Variants in ZNF732 observed in about 807,000 individuals in gnomAD.
ZNF732 encodes the protein zinc finger protein LOC654254.
Under a neutral mutation model 11.5 loss-of-function variants are expected in ZNF732, and 12 were observed. The ratio of observed to expected loss-of-function variants is 1.05; its 90% CI spans 0.67 to 1.70. The LOEUF (loss-of-function observed/expected upper bound fraction) is 1.70, where lower values mean the gene tolerates loss of function less well. Among genes scored for constraint, ZNF732 ranks in the 40% most tolerant of loss-of-function variants. The pLI is 0.00. For missense variants in ZNF732, 702 were observed against 676.9 expected, an observed-to-expected ratio of 1.04 and a Z score of -0.41; for synonymous variants, 231 against 236.5, an observed-to-expected ratio of 0.98 and a Z score of 0.21.
chr4:278,735 G>A (rs11729365), intron 3 of ZNF732, among the ~76,000 whole-genome samples: 21,390 of 152,138 alleles, frequency 0.14, 1,851 homozygotes, highest in Admixed American at 0.24. Context: ...CCCAGACCAT[G>A]CCGAAGCTAC....
chr4:299,371 G>T (rs1214845153), intron 1 of ZNF732, among the ~76,000 whole-genome samples: 1 of 60,846 alleles, frequency 1.6e-5, no homozygotes, highest in Non-Finnish European at 3.3e-5. Context: ...ACACATATGT[G>T]TATATATATA....
Position 302,786 on chromosome 4 carries a change from G to A in ZNF732, c.3+2522C>T, listed in dbSNP as rs188255607. Among the ~76,000 whole-genome samples the A allele has an allele frequency of 8.4e-4, 128 of 152,388 alleles. 1 individual carries two copies. Among genetic ancestry groups the A allele is most frequent in the African/African-American group, 3.0e-3 (125 of 41,606 alleles). On this transcript the variant is annotated intron_variant, in intron 1 of 3. Transcript: ENST00000419098. ...TATAAAAGTTTTCGAGACAGGAGCA[G>A]TGGCTCACGCCTGTAATCCCAGCAC...
chr4:278,281 C>T (rs868910557), intron 3 of ZNF732, among the ~76,000 whole-genome samples: 3 of 152,062 alleles, frequency 2.0e-5, no homozygotes, highest in African/African-American at 7.2e-5. Context: ...ATCACTGTAT[C>T]CAAAATATAC....
intron 3 of ZNF732, among the ~76,000 whole-genome samples, chr4:293,259 C>A (rs1022090077): frequency 2.3e-5 from 3 of 127,968 alleles, no homozygotes; most frequent in East Asian, 2.0e-4. Context: ...TATATATACA[C>A]ATATATATGT....
At chr4:274,947 T>C (rs1180994428) in intron 3 of ZNF732, among the ~76,000 whole-genome samples, 6 of 151,622 alleles carry the variant, frequency 4.0e-5, no homozygotes, top group African/African-American at 1.5e-4. Context: ...GACAGCAATA[T>C]AACTATAGTA....
chr4:302,951 T>C (rs571263786), intron 1 of ZNF732, among the ~76,000 whole-genome samples: 1 of 152,124 alleles, frequency 6.6e-6, no homozygotes. Context: ...CCAGACAGAC[T>C]CCATCTTGGC....
At chr4:275,163 G>A (rs947057110) in intron 3 of ZNF732, among the ~76,000 whole-genome samples, 2 of 151,462 alleles carry the variant, frequency 1.3e-5, no homozygotes, top group Admixed American at 1.3e-4. Flanking sequence ...CACAAAAAAA[G>A]TCTTAAAGTT....
At chr4:302,422 T>C (rs186672944) in intron 1 of ZNF732, among the ~76,000 whole-genome samples, 3 of 152,316 alleles carry the variant, frequency 2.0e-5, no homozygotes, top group Admixed American at 2.0e-4. Context: ...GTAGAAGACA[T>C]GACAGCACCA....
At chr4:275,231 TAAAG>T (rs1376976180) in intron 3 of ZNF732, among the ~76,000 whole-genome samples, 31 of 151,640 alleles carry the variant, frequency 2.0e-4, no homozygotes, top group African/African-American at 7.0e-4. Flanking sequence ...AGAGTAGAAA[TAAAG>T]AAAACTAAAA....
chr4:271,477 G>T lies in ZNF732; in HGVS notation c.1380C>A (p.Tyr460Ter). 4 of 1,609,898 alleles carry T rather than the reference G, an allele frequency of 2.5e-6. No individual in the cohort carries two copies. The highest frequency in any genetic ancestry group is 3.4e-6 in the Non-Finnish European group (4 of 1,178,104). ...ECGKAFGWSA[Y>*]LSKHKKIHTG... ...TATGAATTTTCTTATGTTTACTCAG[G>T]TATGCAGACCATCCAAAGGCTTTGC... Residue 460 changes from tyrosine (Y) to a stop codon, truncating the protein, a stop_gained, in exon 4 of 4, where the codon TAC becomes TAA. Transcript: ENST00000419098. LOFTEE classifies it low-confidence loss of function (END_TRUNC).
At chr4:295,061 C>T (rs1313740138) in intron 3 of ZNF732, among the ~76,000 whole-genome samples, 4 of 151,858 alleles carry the variant, frequency 2.6e-5, no homozygotes, top group African/African-American at 9.7e-5. Flanking sequence ...CACTACTCAC[C>T]GTGCACATTT....
intron 3 of ZNF732, among the ~76,000 whole-genome samples, chr4:281,915 C>A (rs1174864077): frequency 3.3e-5 from 5 of 152,048 alleles, no homozygotes; most frequent in Non-Finnish European, 7.4e-5. Flanking sequence ...CTTTAAAAAT[C>A]TCGATAAGAT....
chr4:297,205 T>A (rs1356653434), intron 1 of ZNF732, among the ~76,000 whole-genome samples: 2 of 151,814 alleles, frequency 1.3e-5, no homozygotes, highest in Admixed American at 6.6e-5. Flanking sequence ...GAGCTGGAGG[T>A]TGCAGTGAGC....
At chr4:281,435 C>G (rs1265887552) in intron 3 of ZNF732, among the ~76,000 whole-genome samples, 2 of 152,242 alleles carry the variant, frequency 1.3e-5, no homozygotes, top group East Asian at 3.8e-4. Flanking sequence ...GCAGGAGCCA[C>G]ACCTGCTCAC....
chr4:278,962 T>C (rs1163795878), intron 3 of ZNF732, among the ~76,000 whole-genome samples: 5 of 152,186 alleles, frequency 3.3e-5, no homozygotes, highest in African/African-American at 7.2e-5. Flanking sequence ...CATTGCAATT[T>C]GCTTATTGTA....
chr4:271,874 T>A lies in ZNF732; in HGVS notation c.983A>T (p.His328Leu), dbSNP rs199890262. ...ACATGTGTAGGGTTTCTCTCCAGTA[T>A]GAATTCTGTTATGTTTAGTAAGGGT... ...STTLTKHNRI[H>L]TGEKPYTCEE... Residue 328 changes from histidine (H) to leucine (L), a missense_variant, in exon 4 of 4, where the codon CAT (histidine) becomes CTT (leucine). By Grantham distance (99) the His-to-Leu change is moderately conservative (BLOSUM62 -3). Coordinates refer to ENST00000419098, the MANE Select transcript of ZNF732 (RefSeq NM_001137608.3). 3,171 of 1,613,712 alleles carry A rather than the reference T, an allele frequency of 2.0e-3. 40 individuals are homozygous for A. Among genetic ancestry groups the A allele is most frequent in the South Asian group, 1.8e-3 (166 of 91,032 alleles).
chr4:289,693 T>A (rs564756851), intron 3 of ZNF732, among the ~76,000 whole-genome samples: 3 of 152,310 alleles, frequency 2.0e-5, no homozygotes, highest in South Asian at 4.1e-4. Context: ...AAATTTCACT[T>A]TTAGATTGAA....
At chr4:299,435 G>GTATA (rs534173072) in intron 1 of ZNF732, among the ~76,000 whole-genome samples, 1 of 95,444 alleles carries the variant, frequency 1.0e-5, no homozygotes, top group East Asian at 2.8e-4. Flanking sequence ...ACACATATGT[G>GTATA]TATATATATA....
At chr4:291,772 G>A (rs1719846594) in intron 3 of ZNF732, among the ~76,000 whole-genome samples, 1 of 152,156 alleles carries the variant, frequency 6.6e-6, no homozygotes, top group South Asian at 2.1e-4. Flanking sequence ...AAGCCATCTT[G>A]AGAAAGAACA....
Sources: allele counts gnomAD v4.1 joint callset (sites outside exome capture counted in the v4.1 genomes callset), GRCh38; gene constraint gnomAD v4.1.1; transcripts MANE v1.5; gene names NCBI Gene and HGNC (gene_info 2026-07-23, HGNC 2026-07-21).